Variants in HNF1B observed in about 807,000 individuals in gnomAD.
HNF1B encodes the protein HNF1 homeobox B.
In HNF1B, 8 loss-of-function variants were observed where a neutral mutation model predicts 61.7. The ratio of observed to expected loss-of-function variants is 0.13; its 90% CI spans 0.08 to 0.23. The LOEUF (loss-of-function observed/expected upper bound fraction) is 0.23, where lower values mean the gene tolerates loss of function less well. HNF1B is among the 10% of genes least tolerant of loss of function. The pLI, the probability that HNF1B is intolerant of heterozygous loss-of-function variation, is 1.00. For missense variants in HNF1B, 562 were observed against 714.5 expected (o/e 0.79, Z 2.43); for synonymous variants, 314 against 287.7 (o/e 1.09, Z -0.93).
chr17:37,700,326 A>G (rs1032076357), intron 7 of HNF1B, among the ~76,000 whole-genome samples: 5 of 152,238 alleles, frequency 3.3e-5, no homozygotes, highest in African/African-American at 1.2e-4. Flanking sequence ...ATGGGAAATA[A>G]GTGGTCGAAA....
At chr17:37,691,757 C>T (rs2032212647) in intron 8 of HNF1B, among the ~76,000 whole-genome samples, 1 of 152,168 alleles carries the variant, frequency 6.6e-6, no homozygotes, top group African/African-American at 2.4e-5. Context: ...ATGTTGAGCC[C>T]AGATCTGCCT....
chr17:37,731,854 G>A (rs1327002890), intron 3 of HNF1B, 24 bp from the exon 4 acceptor site: 2 of 1,504,790 alleles, frequency 1.3e-6, no homozygotes, highest in African/African-American at 2.7e-5. Context: ...GAGGGGAGAT[G>A]GTGAGTGAGG....
intron 5 of HNF1B, among the ~76,000 whole-genome samples, chr17:37,706,798 T>C: frequency 6.6e-6 from 1 of 152,026 alleles, no homozygotes; most frequent in East Asian, 1.9e-4. Flanking sequence ...ATTTGGTTAA[T>C]GGTATAAGAG....
intron 1 of HNF1B, among the ~76,000 whole-genome samples, chr17:37,740,485 G>A (rs1464395447): frequency 6.6e-6 from 1 of 152,090 alleles, no homozygotes; most frequent in Non-Finnish European, 1.5e-5. Flanking sequence ...ATAAAACAGG[G>A]GTGAAATGTA....
rs527824591 is a variant in HNF1B at position 37,704,710 on chromosome 17, A to G, written c.1339+207T>C. ...GCTGCTAAACTGTGACCAGGATCCA[A>G]ATCCATTCCACAATTTTCTCTTGTT... On this transcript the variant is annotated intron_variant, in intron 6 of 8. Transcript: ENST00000617811. 1.6e-3 allele frequency among the ~76,000 whole-genome samples: 250 copies of G among 152,334 alleles called. 10 individuals carry two copies. The South Asian group carries it at 0.051, about 31-fold the overall frequency.
At position 37,744,938 on chromosome 17, in the gene HNF1B, A is replaced by G; in HGVS notation, c.-54T>C. On this transcript the variant is annotated 5_prime_UTR_variant, in exon 1 of 9. Coordinates refer to ENST00000617811, the MANE Select transcript of HNF1B (RefSeq NM_000458.4). ...AGGGGGTGGGTGGGTGCGAGAGAGG[A>G]GGGTGGAGGGGAGTTTCACAAGCAA... 1.5e-6 allele frequency: 2 copies of G among 1,338,510 alleles called. No individual in the cohort carries two copies. The highest frequency in any genetic ancestry group is 1.8e-5 in the Admixed American group (1 of 54,370). 82.9% of individuals were successfully genotyped at this position (1,338,510 alleles called of 1,614,324 possible).
chr17:37,720,095 T>G (rs2033260311), intron 4 of HNF1B, among the ~76,000 whole-genome samples: 1 of 152,214 alleles, frequency 6.6e-6, no homozygotes, highest in Non-Finnish European at 1.5e-5. Context: ...ACCAGCCAAG[T>G]GCTCAGGGAG....
Position 37,731,760 on chromosome 17 carries a change from C to T in HNF1B, c.880G>A (p.Val294Ile), listed in dbSNP as rs2033693406. ...HGLGSNLVTE[V>I]RVYNWFANRR... ...TTTGCAAACCAGTTGTAGACACGGA[C>T]CTCAGTGACCAAGTTGGAGCCCAGG... The change falls in exon 4 of 9, where the codon GTC (valine) becomes ATC (isoleucine). Residue 294 changes from valine to isoleucine, a missense_variant. This residue lies in a region of HNF1B where 54 missense variants were observed against 122.1 expected (regional missense o/e 0.44). Transcript: ENST00000617811. 1 of 1,613,958 alleles carries T rather than the reference C, an allele frequency of 6.2e-7. No homozygotes were observed. The highest frequency in any genetic ancestry group is 8.5e-7 in the Non-Finnish European group (1 of 1,180,014).
chr17:37,743,866 C>G (rs2034079122), intron 1 of HNF1B, among the ~76,000 whole-genome samples: 1 of 152,202 alleles, frequency 6.6e-6, no homozygotes, highest in Admixed American at 6.5e-5. Flanking sequence ...CGTTCGCCCC[C>G]ACACCACCGC....
chr17:37,739,237 T>C (rs1438738965), intron 2 of HNF1B, among the ~76,000 whole-genome samples: 2 of 152,152 alleles, frequency 1.3e-5, no homozygotes, highest in South Asian at 4.1e-4. Context: ...ACTGGCTGGG[T>C]AGCAAGGGGG....
intron 4 of HNF1B, among the ~76,000 whole-genome samples, chr17:37,727,721 C>T (rs1027224179): frequency 1.3e-5 from 2 of 152,130 alleles, no homozygotes; most frequent in South Asian, 4.1e-4. Context: ...CCGTGGTCAT[C>T]GTGGGCAAGT....
chr17:37,744,887 TC>T lies in HNF1B; in HGVS notation c.-4del. 1 of 778,564 alleles carries T rather than the reference TC, an allele frequency of 1.3e-6. No individual in the cohort carries two copies. The highest frequency in any genetic ancestry group is 2.0e-6 in the Non-Finnish European group (1 of 504,598). The allele number at this position is 778,564 out of a possible 1,614,324, so 48.2% of individuals were successfully genotyped here. A position where few individuals can be genotyped will look rare whatever the true frequency, so the allele number is the denominator to read the frequency against. On this transcript the variant is annotated 5_prime_UTR_variant, in exon 1 of 9. Coordinates refer to ENST00000617811, the MANE Select transcript of HNF1B (RefSeq NM_000458.4). ...AGCGACGTGAGCTTGGACACCATTT[TC>T]CAAGGACGGAAAAAGAAGGGGGTGA...
chr17:37,710,370 A>C, intron 5 of HNF1B, 133 bp downstream of exon 5: 1 of 1,217,128 alleles, frequency 8.2e-7, no homozygotes. Flanking sequence ...CTCCTTTCCG[A>C]CTCTGGACAG....
chr17:37,716,902 A>C (rs1336237711), intron 4 of HNF1B, among the ~76,000 whole-genome samples: 1 of 144,854 alleles, frequency 6.9e-6, no homozygotes, highest in Non-Finnish European at 1.5e-5. Context: ...TAACTCTCTG[A>C]TGATTCTGGG....
chr17:37,742,733 G>A (rs1479625877), intron 1 of HNF1B, among the ~76,000 whole-genome samples: 2 of 151,686 alleles, frequency 1.3e-5, no homozygotes, highest in Admixed American at 6.6e-5. Flanking sequence ...ACCCTGGGCC[G>A]GGCCTGGCTC....
intron 6 of HNF1B, 32 bp downstream of exon 6, chr17:37,704,885 C>T (rs1442381262): frequency 6.2e-7 from 1 of 1,613,166 alleles, no homozygotes. Context: ...TTCTCCCTGC[C>T]CCCAAGTTTT....
chr17:37,703,760 G>T (rs2032648503), intron 6 of HNF1B, among the ~76,000 whole-genome samples: 1 of 152,144 alleles, frequency 6.6e-6, no homozygotes, highest in Non-Finnish European at 1.5e-5. Flanking sequence ...AGCAGCTAAG[G>T]ATAGAGTGAG....
chr17:37,705,169 T>C, intron 5 of HNF1B, 120 bp from the exon 6 acceptor site: 1 of 1,070,602 alleles, frequency 9.3e-7, no homozygotes, highest in East Asian at 2.6e-5. Flanking sequence ...ATTCCTTCAT[T>C]CACTCAATAA....
chr17:37,719,240 T>C (rs1456112617), intron 4 of HNF1B, among the ~76,000 whole-genome samples: 2 of 152,148 alleles, frequency 1.3e-5, no homozygotes, highest in East Asian at 1.9e-4. Context: ...TGTTTTTCCA[T>C]GGGCAAGGAG....
Sources: gnomAD v4.1 joint callset for allele counts (sites outside exome capture counted in the v4.1 genomes callset) on GRCh38, gnomAD v4.1.1 for gene constraint, gnomAD v4.1.1 regional missense constraint, MANE v1.5 for transcripts, NCBI Gene and HGNC (gene_info 2026-07-23, HGNC 2026-07-21) for gene names.